ONECUT3: variants seen among roughly 807,000 people sequenced by gnomAD.
ONECUT3 encodes the protein one cut domain family member 3.
In ONECUT3, 11 loss-of-function variants were observed where a neutral mutation model predicts 16.8. That is an observed-to-expected ratio of 0.66 (90% confidence interval 0.41 to 1.09). The LOEUF (loss-of-function observed/expected upper bound fraction) is 1.09, where lower values mean the gene tolerates loss of function less well. Ranked by LOEUF, ONECUT3 falls within the 50% of genes least tolerant of loss-of-function variation. The pLI is 0.00. For synonymous variants in ONECUT3, 344 were observed against 310.7 expected (o/e 1.11, Z -1.13); for missense variants, 637 against 629.9 (o/e 1.01, Z -0.12).
intron 1 of ONECUT3, among the ~76,000 whole-genome samples, chr19:1,769,774 G>A (rs2068036984): frequency 6.6e-6 from 1 of 152,136 alleles, no homozygotes. Flanking sequence ...GATCTGGGCT[G>A]TGAGGAGCTG....
chr19:1,754,689 A>G lies in ONECUT3; in HGVS notation c.1027A>G (p.Ile343Val). 6.5e-7 allele frequency: 1 copy of G among 1,534,014 alleles called. No homozygotes were observed. The highest frequency in any genetic ancestry group is 1.2e-5 in the South Asian group (1 of 81,380). ...GAAGCGCTACAGCATCCCGCAGGCAATCTTCGCGCAGCGGATCCTGTGTCG... is the reference window on the plus strand; with the variant it reads ...GAAGCGCTACAGCATCCCGCAGGCAGTCTTCGCGCAGCGGATCCTGTGTCG... Reference protein sequence around the residue: ...ELKRYSIPQAIFAQRILCRSQ... With the variant: ...ELKRYSIPQAVFAQRILCRSQ... The change falls in exon 1 of 2, where the codon ATC becomes GTC. Residue 343 changes from isoleucine to valine, a missense_variant. Physicochemically the swap from Ile to Val is conservative, Grantham distance 29. This residue lies in a region of ONECUT3 where 35 missense variants were observed against 63.8 expected (regional missense o/e 0.55). Transcript: ENST00000382349. This position sits in a 1 kb window ranked among gnomAD's most constrained non-coding sequence, Gnocchi z 7.4.
chr19:1,766,530 A>C lies in ONECUT3; in HGVS notation c.1193-8623A>C. ...GGAGGGAGGTAAAGAGAGGGAGGGA[A>C]GGAAAGGGAGGAAAAGAAAAGAGCA... is the stretch of plus-strand genomic sequence containing the variant. On this transcript the variant is annotated intron_variant, in intron 1 of 1. Coordinates refer to ENST00000382349, the MANE Select transcript of ONECUT3 (RefSeq NM_001080488.2). The surrounding 1 kb of genome is among the most constrained non-coding windows in gnomAD (Gnocchi z 4.0). 1.3e-5 allele frequency among the ~76,000 whole-genome samples: 2 copies of C among 149,146 alleles called. No homozygotes were observed. Among genetic ancestry groups the C allele is most frequent in the Admixed American group, 6.7e-5 (1 of 15,032 alleles).
chr19:1,753,833 C>CGGCGGCGGCGGCGGTGGG lies in ONECUT3; in HGVS notation c.176_193dup (p.Gly59_Gly64dup). ...GCATGGCGAGCCTGCTGGACGGCGG[C>CGGCGGCGGCGGCGGTGGG]GGCGGCGGCGGCGGTGGGGGCGCCG... On this transcript the variant is annotated inframe_insertion, in exon 1 of 2. Transcript: ENST00000382349. 1.0e-6 allele frequency: 1 copy of CGGCGGCGGCGGCGGTGGG among 966,004 alleles called. No homozygotes were observed. The highest frequency in any genetic ancestry group is 1.2e-6 in the Non-Finnish European group (1 of 815,928). 59.8% of individuals were successfully genotyped at this position (966,004 alleles called of 1,614,324 possible).
chr19:1,759,851 T>C lies in ONECUT3; in HGVS notation c.1192+4997T>C, dbSNP rs141266963. Among the ~76,000 whole-genome samples the C allele has an allele frequency of 2.1e-4, 32 of 152,044 alleles. No homozygotes were observed. Among genetic ancestry groups the C allele is most frequent in the Non-Finnish European group, 3.5e-4 (24 of 68,002 alleles). ...TCCACAGGGATGCACGGAGTGTGGA[T>C]AGACCGAGACCGTGCCCAGGGCCAC... is the stretch of plus-strand genomic sequence containing the variant. On this transcript the variant is annotated intron_variant, in intron 1 of 1. Coordinates refer to ENST00000382349, the MANE Select transcript of ONECUT3 (RefSeq NM_001080488.2). This position sits in a 1 kb window ranked among gnomAD's most constrained non-coding sequence, Gnocchi z 4.1.
At position 1,766,594 on chromosome 19, in the gene ONECUT3, G is replaced by A. The variant is rs1435249157; in HGVS notation, c.1193-8559G>A. ...GAGGGAGGGTGAGTGGAAAAGGAGG[G>A]GTGAGGAGGAGGAGAGGGGATGGTC... On this transcript the variant is annotated intron_variant, in intron 1 of 1. Coordinates refer to ENST00000382349, the MANE Select transcript of ONECUT3 (RefSeq NM_001080488.2). This position sits in a 1 kb window ranked among gnomAD's most constrained non-coding sequence, Gnocchi z 4.0. 6.6e-6 allele frequency among the ~76,000 whole-genome samples: 1 copy of A among 151,096 alleles called. No individual in the cohort carries two copies. Among genetic ancestry groups the A allele is most frequent in the Non-Finnish European group, 1.5e-5 (1 of 67,666 alleles).
In ONECUT3 at chr19:1,775,265, G is replaced by A. The variant is rs763220156; in HGVS notation, c.1305G>A (p.Glu435=). ...GCACGCTGATCGCCATCTTCAAGGA[G>A]AACAAGCGGCCGTCCAAGGAGATGC... is the stretch of plus-strand genomic sequence containing the variant. ...QRRTLIAIFK[E]NKRPSKEMQV... Residue 435 remains glutamate (E), a synonymous_variant, in exon 2 of 2, where the codon GAG becomes GAA. Transcript: ENST00000382349. The A allele has an allele frequency of 5.0e-6, 8 of 1,601,386 alleles. No individual in the cohort carries two copies. The highest frequency in any genetic ancestry group is 6.8e-6 in the Non-Finnish European group (8 of 1,174,044).
At position 1,759,876 on chromosome 19, in the gene ONECUT3, C is replaced by G. The variant is rs8100623; in HGVS notation, c.1192+5022C>G. 6.6e-6 allele frequency among the ~76,000 whole-genome samples: 1 copy of G among 151,898 alleles called. No individual in the cohort carries two copies. ...TAGACCGAGACCGTGCCCAGGGCCA[C>G]GAGAACCAGACCCACGTGGGGCTGC... On this transcript the variant is annotated intron_variant, in intron 1 of 1. Transcript: ENST00000382349. The surrounding 1 kb of genome is among the most constrained non-coding windows in gnomAD (Gnocchi z 4.1).
rs772882868 is a variant in ONECUT3, at chr19:1,762,471, A to G, written c.1192+7617A>G. On this transcript the variant is annotated intron_variant, in intron 1 of 1. Transcript: ENST00000382349. This position sits in a 1 kb window ranked among gnomAD's most constrained non-coding sequence, Gnocchi z 4.4. ...CCTGCTGGGGGGATGACTGTGCCTC[A>G]GTTTCCATCACCCAGCAAACGCCGT... 3.9e-5 allele frequency among the ~76,000 whole-genome samples: 6 copies of G among 152,252 alleles called. No individual in the cohort carries two copies. Among genetic ancestry groups the G allele is most frequent in the Non-Finnish European group, 8.8e-5 (6 of 68,044 alleles).
At position 1,755,386 on chromosome 19, in the gene ONECUT3, T is replaced by C. The variant is rs2067911337; in HGVS notation, c.1192+532T>C. Among the ~76,000 whole-genome samples the C allele has an allele frequency of 6.6e-6, 1 of 151,440 alleles. No homozygotes were observed. The highest frequency in any genetic ancestry group is 1.5e-5 in the Non-Finnish European group (1 of 67,898). On this transcript the variant is annotated intron_variant, in intron 1 of 1. Coordinates refer to ENST00000382349, the MANE Select transcript of ONECUT3 (RefSeq NM_001080488.2). This position sits in a 1 kb window ranked among gnomAD's most constrained non-coding sequence, Gnocchi z 7.5. ...TCAGCAGCAGAGGCCGAGCCCGCGC[T>C]CATCCCCCCACCTGCCCCAGCGCGC...
At chr19:1,757,334 G>A (rs2067921815) in intron 1 of ONECUT3, among the ~76,000 whole-genome samples, 2 of 152,252 alleles carry the variant, frequency 1.3e-5, no homozygotes, top group African/African-American at 4.8e-5. Context: ...TTTGTGCCTC[G>A]CCTTCCTGAC....
In ONECUT3 at chr19:1,764,136, AT is replaced by A. The variant is rs1363370095; in HGVS notation, c.1192+9290del. ...ACTGCAGGCGCTGTGTCTCCGTAAC[AT>A]TTTTTTTAAAAATCAACGCCTTGTG... is the stretch of plus-strand genomic sequence containing the variant. On this transcript the variant is annotated intron_variant, in intron 1 of 1. Transcript: ENST00000382349. This position sits in a 1 kb window ranked among gnomAD's most constrained non-coding sequence, Gnocchi z 5.0. 5.9e-5 allele frequency among the ~76,000 whole-genome samples: 9 copies of A among 152,392 alleles called. No homozygotes were observed. In the East Asian group the frequency reaches 1.7e-3, roughly 29 times the overall value.
chr19:1,769,623 C>T (rs1381470572), intron 1 of ONECUT3, among the ~76,000 whole-genome samples: 1 of 150,486 alleles, frequency 6.6e-6, no homozygotes, highest in Admixed American at 6.6e-5. Context: ...TGGCGGGGGT[C>T]AGGTGGCGGT....
rs2067933259 is a variant in ONECUT3 at position 1,759,178 on chromosome 19, G to A, written c.1192+4324G>A. On this transcript the variant is annotated intron_variant, in intron 1 of 1. Transcript: ENST00000382349. The surrounding 1 kb of genome is among the most constrained non-coding windows in gnomAD (Gnocchi z 4.1). ...GCTGTGTATGGAGTTGCATGCTGAG[G>A]GCAGCTGGTGCAGGAATTGGGCACC... Among the ~76,000 whole-genome samples, 1 of 152,184 alleles carries A rather than the reference G, an allele frequency of 6.6e-6. No individual in the cohort carries two copies. Among genetic ancestry groups the A allele is most frequent in the Non-Finnish European group, 1.5e-5 (1 of 68,042 alleles).
rs537747631 is a variant in ONECUT3 at position 1,755,813 on chromosome 19, G to T, written c.1192+959G>T. ...GGACCCTCCTCCCTCCTCCCTCCCAGCTGACAACAGCTAAGTCCACACCTG... is the reference window on the plus strand; with the variant it reads ...GGACCCTCCTCCCTCCTCCCTCCCATCTGACAACAGCTAAGTCCACACCTG... On this transcript the variant is annotated intron_variant, in intron 1 of 1. Coordinates refer to ENST00000382349, the MANE Select transcript of ONECUT3 (RefSeq NM_001080488.2). The surrounding 1 kb of genome is among the most constrained non-coding windows in gnomAD (Gnocchi z 7.5). 6.6e-6 allele frequency among the ~76,000 whole-genome samples: 1 copy of T among 152,238 alleles called. No individual in the cohort carries two copies. Among genetic ancestry groups the T allele is most frequent in the Admixed American group, 6.5e-5 (1 of 15,300 alleles).
Position 1,758,721 on chromosome 19 carries a change from T to G in ONECUT3, c.1192+3867T>G, listed in dbSNP as rs1056505612. ...TTCGGAGCTGCCTCCTGGTCAAAGC[T>G]CTCCCCTGGCGCCGTCTCCAACAGT... On this transcript the variant is annotated intron_variant, in intron 1 of 1. Transcript: ENST00000382349. The surrounding 1 kb of genome is among the most constrained non-coding windows in gnomAD (Gnocchi z 5.9). Among the ~76,000 whole-genome samples, 2 of 147,054 alleles carry G rather than the reference T, an allele frequency of 1.4e-5. No individual in the cohort carries two copies. Among genetic ancestry groups the G allele is most frequent in the Non-Finnish European group, 3.0e-5 (2 of 66,654 alleles).
Position 1,754,156 on chromosome 19 carries a change from G to C in ONECUT3, c.494G>C (p.Ser165Thr). 1 of 1,090,632 alleles carries C rather than the reference G, an allele frequency of 9.2e-7. No individual in the cohort carries two copies. Among genetic ancestry groups the C allele is most frequent in the African/African-American group, 1.7e-5 (1 of 58,462 alleles). The allele number at this position is 1,090,632 out of a possible 1,614,324, so 67.6% of individuals were successfully genotyped here. ...CCGCAGCGTCTGGCGGCCAGCGTGA[G>C]CGGCAGCTTCACCCTCATGCGCGAC... ...PPPQRLAASVSGSFTLMRDER... is the reference protein window; with the variant it reads ...PPPQRLAASVTGSFTLMRDER... The change falls in exon 1 of 2, where the codon AGC becomes ACC. Residue 165 changes from serine to threonine, a missense_variant. Around this residue, in one of 3 missense-constraint regions of ONECUT3, gnomAD observed 419 missense variants for 377.9 expected, o/e 1.11. Transcript: ENST00000382349. This position sits in a 1 kb window ranked among gnomAD's most constrained non-coding sequence, Gnocchi z 7.4.
chr19:1,770,787 C>T (rs769360209), intron 1 of ONECUT3, among the ~76,000 whole-genome samples: 3 of 152,148 alleles, frequency 2.0e-5, no homozygotes, highest in Non-Finnish European at 2.9e-5. Context: ...GCATTTCCTT[C>T]CATGTTTCTT....
chr19:1,770,996 C>A (rs765993272), intron 1 of ONECUT3, among the ~76,000 whole-genome samples: 1 of 152,184 alleles, frequency 6.6e-6, no homozygotes, highest in Non-Finnish European at 1.5e-5. Context: ...AACATTATTA[C>A]GCTTTTGGAA....
intron 1 of ONECUT3, among the ~76,000 whole-genome samples, chr19:1,760,144 C>G (rs1288764311): frequency 6.6e-6 from 1 of 152,248 alleles, no homozygotes; most frequent in Admixed American, 6.5e-5. Flanking sequence ...CATGCCCACC[C>G]TACAGACCAG....
Sources: gnomAD v4.1 joint callset for allele counts (sites outside exome capture counted in the v4.1 genomes callset) on GRCh38, gnomAD v4.1.1 for gene constraint, gnomAD v4.1.1 regional missense constraint, Gnocchi (gnomAD v3.1) non-coding constraint, MANE v1.5 for transcripts, NCBI Gene and HGNC (gene_info 2026-07-23, HGNC 2026-07-21) for gene names.